Variants in PAN3 observed in about 807,000 individuals in gnomAD.
PAN3 encodes the protein poly(A) specific ribonuclease subunit PAN3, also known as PAN2-PAN3 deadenylation complex subunit PAN3.
In PAN3, 19 loss-of-function variants were observed where a neutral mutation model predicts 96.2. The observed-to-expected ratio is 0.20, with a 90% confidence interval of 0.14 to 0.29. The LOEUF (loss-of-function observed/expected upper bound fraction) is 0.29. Ranked by LOEUF, PAN3 falls within the 10% of genes least tolerant of loss-of-function variation. The pLI, the probability that PAN3 is intolerant of heterozygous loss-of-function variation, is 1.00. For synonymous variants in PAN3, 433 were observed against 406.6 expected (o/e 1.06, Z -0.78); for missense variants, 882 against 1,108.1 (o/e 0.80, Z 2.90).
intron 7 of PAN3, among the ~76,000 whole-genome samples, chr13:28,257,724 T>C (rs1165150278): frequency 7.2e-6 from 1 of 138,746 alleles, no homozygotes; most frequent in Admixed American, 7.7e-5. Context: ...ATAATTAATA[T>C]ATATTATATA....
chr13:28,198,884 C>T (rs976790245), intron 5 of PAN3, among the ~76,000 whole-genome samples: 4 of 152,148 alleles, frequency 2.6e-5, no homozygotes, highest in African/African-American at 9.7e-5. Context: ...TGAGTAGTAT[C>T]TGTATTGCCT....
chr13:28,162,127 C>G (rs1439994318), intron 1 of PAN3, among the ~76,000 whole-genome samples: 2 of 152,134 alleles, frequency 1.3e-5, no homozygotes, highest in Non-Finnish European at 2.9e-5. Context: ...ACACAACAAC[C>G]TTGGAAAGTA....
rs567910328 is a variant in PAN3 at position 28,203,065 on chromosome 13, C to T, written c.852+5719C>T. ...GCAACCTCTGCCTCCCAGGCTCAAG[C>T]GATGCTCCCTCTTCAGCCTCCCAAG... is the stretch of plus-strand genomic sequence containing the variant. On this transcript the variant is annotated intron_variant, in intron 5 of 18. Coordinates refer to ENST00000380958, the MANE Select transcript of PAN3 (RefSeq NM_175854.8). Among the ~76,000 whole-genome samples, 13 of 151,700 alleles carry T rather than the reference C, an allele frequency of 8.6e-5. No homozygotes were observed. In the East Asian group the frequency reaches 9.7e-4, roughly 11 times the overall value.
At chr13:28,228,664 A>C (rs1023467313) in intron 6 of PAN3, among the ~76,000 whole-genome samples, 1 of 152,266 alleles carries the variant, frequency 6.6e-6, no homozygotes, top group African/African-American at 2.4e-5. Context: ...AAAACAGTAA[A>C]ATTAACAGTA....
At chr13:28,278,090 G>C (rs187030430) in intron 15 of PAN3, among the ~76,000 whole-genome samples, 493 of 152,374 alleles carry the variant, frequency 3.2e-3, no homozygotes, top group Non-Finnish European at 5.5e-3. Flanking sequence ...AGCTATATTA[G>C]AGAAGAGGTG....
intron 5 of PAN3, among the ~76,000 whole-genome samples, chr13:28,198,578 CA>C (rs1166113707): frequency 7.2e-5 from 11 of 151,970 alleles, no homozygotes; most frequent in South Asian, 2.1e-4. Flanking sequence ...GAAGTACCAA[CA>C]AAAAAATTTA....
chr13:28,176,536 G>A lies in PAN3; in HGVS notation c.596G>A (p.Ser199Asn), dbSNP rs377141406. ...SSSSPSLLND[S>N]AKPYSAHDPL... Reference sequence around the variant, plus strand: ...AGCTCCCCAAGCCTTCTAAATGACAGTGCCAAGCCATATTCAGCCCATGGT... The same window carrying A: ...AGCTCCCCAAGCCTTCTAAATGACAATGCCAAGCCATATTCAGCCCATGGT... Residue 199 changes from serine (S) to asparagine (N), a missense_variant, in exon 3 of 19, where the codon AGT (serine) becomes AAT (asparagine). Ser to Asn is a conservative substitution (Grantham distance 46). Transcript: ENST00000380958. 1 of 1,613,908 alleles carries A rather than the reference G, an allele frequency of 6.2e-7. No individual in the cohort carries two copies. The highest frequency in any genetic ancestry group is 1.7e-5 in the Admixed American group (1 of 60,006).
intron 6 of PAN3, among the ~76,000 whole-genome samples, chr13:28,255,718 T>G (rs373686360): frequency 1.6e-4 from 24 of 152,160 alleles, no homozygotes; most frequent in African/African-American, 5.5e-4. Context: ...ACTAAAAATA[T>G]GGCACTTAAG....
chr13:28,288,534 C>G (rs531955307), intron 18 of PAN3, among the ~76,000 whole-genome samples: 1 of 152,172 alleles, frequency 6.6e-6, no homozygotes, highest in Non-Finnish European at 1.5e-5. Flanking sequence ...TCAAGTGATT[C>G]GCCTGCCTCA....
At chr13:28,260,626 C>T in intron 8 of PAN3, 75 bp downstream of exon 8, 1 of 1,161,570 alleles carries the variant, frequency 8.6e-7, no homozygotes. Flanking sequence ...GAACAGAGCT[C>T]TTTTCAAATC....
intron 14 of PAN3, among the ~76,000 whole-genome samples, chr13:28,275,267 C>A (rs1381647758): frequency 6.6e-6 from 1 of 152,100 alleles, no homozygotes; most frequent in Non-Finnish European, 1.5e-5. Flanking sequence ...ATGTTCTTAC[C>A]TTGAGTCCGC....
At chr13:28,281,112 A>G (rs1566257741) in intron 16 of PAN3, among the ~76,000 whole-genome samples, 1 of 152,172 alleles carries the variant, frequency 6.6e-6, no homozygotes, top group Non-Finnish European at 1.5e-5. Flanking sequence ...ATTCCTATGG[A>G]CAGCTCCATA....
chr13:28,181,018 T>G (rs552999045), intron 4 of PAN3, among the ~76,000 whole-genome samples: 2 of 152,142 alleles, frequency 1.3e-5, no homozygotes, highest in Non-Finnish European at 2.9e-5. Context: ...AAAAGATGTT[T>G]TGAATTGGGT....
Position 28,178,732 on chromosome 13 carries a change from A to T in PAN3, c.690+797A>T, listed in dbSNP as rs575958026. ...TAAAGCTCAGAAATGAAGATAAAAT[A>T]TTTCAACATATCTCATTAATATTAA... is the stretch of plus-strand genomic sequence containing the variant. On this transcript the variant is annotated intron_variant, in intron 4 of 18. Transcript: ENST00000380958. Among the ~76,000 whole-genome samples, 19 of 152,288 alleles carry T rather than the reference A, an allele frequency of 1.2e-4. No individual in the cohort carries two copies. The South Asian group carries it at 3.9e-3, about 32-fold the overall frequency.
intron 6 of PAN3, among the ~76,000 whole-genome samples, chr13:28,230,696 A>T (rs1348933336): frequency 6.6e-6 from 1 of 152,190 alleles, no homozygotes; most frequent in African/African-American, 2.4e-5. Flanking sequence ...TTTTCATTGG[A>T]AAGAAATCCA....
intron 6 of PAN3, among the ~76,000 whole-genome samples, chr13:28,233,635 G>A (rs1276628483): frequency 6.6e-6 from 1 of 152,144 alleles, no homozygotes; most frequent in African/African-American, 2.4e-5. Flanking sequence ...TTGTGTAGCT[G>A]TGTGCATTTT....
At chr13:28,224,644 T>TAGATG (rs2138403375) in intron 6 of PAN3, among the ~76,000 whole-genome samples, 1 of 152,116 alleles carries the variant, frequency 6.6e-6, no homozygotes, top group East Asian at 1.9e-4. Context: ...TTAGAGAGAG[T>TAGATG]GTCTCACTCT....
At chr13:28,157,059 G>A (rs967459195) in intron 1 of PAN3, among the ~76,000 whole-genome samples, 6 of 147,796 alleles carry the variant, frequency 4.1e-5, no homozygotes, top group African/African-American at 1.2e-4. Context: ...CCCCTGAGTT[G>A]CAAGACTGGT....
chr13:28,192,762 A>G (rs1166829786), intron 4 of PAN3, among the ~76,000 whole-genome samples: 3 of 152,254 alleles, frequency 2.0e-5, no homozygotes, highest in Non-Finnish European at 4.4e-5. Flanking sequence ...GTAGATTCTC[A>G]GATGTTTAGT....
Sources: gnomAD v4.1 joint callset for allele counts (sites outside exome capture counted in the v4.1 genomes callset) on GRCh38, gnomAD v4.1.1 for gene constraint, MANE v1.5 for transcripts, NCBI Gene and HGNC (gene_info 2026-07-23, HGNC 2026-07-21) for gene names.